Variants in MTMR9 observed in about 807,000 individuals in gnomAD.
The protein encoded by MTMR9 is myotubularin related protein 9, also known as myotubularin-related protein 9.
Under a neutral mutation model 69.5 loss-of-function variants are expected in MTMR9, and 39 were observed. The observed-to-expected ratio is 0.56, with a 90% CI of 0.43 to 0.73. MTMR9 has a LOEUF of 0.73. Ranked by LOEUF, MTMR9 falls within the 30% of genes least tolerant of loss-of-function variation. The pLI, the probability that MTMR9 is intolerant of heterozygous loss-of-function variation, is 0.00. For synonymous variants in MTMR9, 354 were observed against 240.8 expected (o/e 1.47, Z -4.35); for missense variants, 900 against 671.2 (o/e 1.34, Z -3.77).
At chr8:11,313,205 C>G (rs1800276019) in intron 6 of MTMR9, among the ~76,000 whole-genome samples, 1 of 152,204 alleles carries the variant, frequency 6.6e-6, no homozygotes, top group Non-Finnish European at 1.5e-5. Flanking sequence ...CTGCTAGTTT[C>G]CAACTTTTCT....
chr8:11,288,632 G>T (rs1799276412), intron 1 of MTMR9, among the ~76,000 whole-genome samples: 1 of 152,150 alleles, frequency 6.6e-6, no homozygotes, highest in Non-Finnish European at 1.5e-5. Flanking sequence ...TGGCTGCAGG[G>T]CAGGGAACAG....
intron 5 of MTMR9, among the ~76,000 whole-genome samples, chr8:11,307,021 C>G (rs1335695158): frequency 6.6e-6 from 1 of 152,134 alleles, no homozygotes; most frequent in African/African-American, 2.4e-5. Context: ...AGCATGATGT[C>G]ATCCAGGTTC....
chr8:11,336,691 A>G, the MTMR9 span, among the ~76,000 whole-genome samples: 1 of 152,168 alleles, frequency 6.6e-6, no homozygotes, highest in South Asian at 2.1e-4. Context: ...CAGGTCCAAT[A>G]TTTTTCTTCC....
downstream of MTMR9, chr8:11,331,398 C>G (rs765023284): frequency 3.2e-5 from 52 of 1,613,858 alleles, no homozygotes; most frequent in Non-Finnish European, 3.1e-5. Flanking sequence ...TCTGGGACCT[C>G]CTGACATCCG....
Position 11,315,051 on chromosome 8 carries a change from G to C in MTMR9, c.1100G>C (p.Arg367Thr), listed in dbSNP as rs1800358449. The C allele has an allele frequency of 1.2e-6, 2 of 1,613,688 alleles. No homozygotes were observed. Among genetic ancestry groups the C allele is most frequent in the East Asian group, 2.2e-5 (1 of 44,876 alleles). ...TIRGFEALIE[R>T]EWLQAGHPFQ... ...CGTGGTTTTGAGGCCCTGATTGAAA[G>C]AGAGTGGCTGCAGGTGAGAAGAGCT... The change falls in exon 7 of 10, where the codon AGA becomes ACA. Residue 367 changes from arginine to threonine, a missense_variant. Arg to Thr is a moderately conservative substitution (Grantham distance 71). Transcript: ENST00000221086.
chr8:11,291,582 T>C (rs1164507031), intron 1 of MTMR9, among the ~76,000 whole-genome samples: 6 of 152,104 alleles, frequency 3.9e-5, no homozygotes, highest in Admixed American at 2.0e-4. Context: ...ACTAGAAACA[T>C]TGAATAAATG....
chr8:11,314,883 G>A, intron 6 of MTMR9, 40 bp from the exon 7 acceptor site: 1 of 1,600,914 alleles, frequency 6.2e-7, no homozygotes, highest in Non-Finnish European at 8.6e-7. Context: ...GACCATGTTG[G>A]ACATTTCCCA....
chr8:11,301,581 G>C (rs1288697874), intron 3 of MTMR9, among the ~76,000 whole-genome samples: 21 of 152,314 alleles, frequency 1.4e-4, no homozygotes. Context: ...AAATCTTTAT[G>C]ACCTTCAGTT....
intron 1 of MTMR9, among the ~76,000 whole-genome samples, chr8:11,285,716 A>G (rs1799124223): frequency 6.6e-6 from 1 of 152,124 alleles, no homozygotes; most frequent in African/African-American, 2.4e-5. Context: ...TCCAGACTTT[A>G]TCTTTCCAAG....
chr8:11,301,061 G>A (rs773048492), intron 3 of MTMR9, among the ~76,000 whole-genome samples: 9 of 152,196 alleles, frequency 5.9e-5, no homozygotes, highest in Non-Finnish European at 8.8e-5. Context: ...GCAGAAACAA[G>A]TAGCAGGCTG....
chr8:11,323,437 A>G lies in MTMR9; in HGVS notation c.*649A>G, dbSNP rs1211705628. 6.6e-6 allele frequency: 1 copy of G among 152,260 alleles called. No homozygotes were observed. Among genetic ancestry groups the G allele is most frequent in the Non-Finnish European group, 1.5e-5 (1 of 68,040 alleles). The allele number at this position is 152,260 out of a possible 1,614,324, so 9.4% of individuals were successfully genotyped here. Reference sequence around the variant, plus strand: ...GGTATGGTCCTCCGATATTTACATTAAGAAGAGTTAAATTTATTTTAACGT... The same window carrying G: ...GGTATGGTCCTCCGATATTTACATTGAGAAGAGTTAAATTTATTTTAACGT... On this transcript the variant is annotated 3_prime_UTR_variant, in exon 10 of 10. Coordinates refer to ENST00000221086, the MANE Select transcript of MTMR9 (RefSeq NM_015458.4).
intron 3 of MTMR9, among the ~76,000 whole-genome samples, chr8:11,304,000 A>C (rs1799843033): frequency 6.6e-6 from 1 of 152,052 alleles, no homozygotes; most frequent in Non-Finnish European, 1.5e-5. Flanking sequence ...ATTGTAACCC[A>C]TGGTTAGGCC....
intron 1 of MTMR9, among the ~76,000 whole-genome samples, chr8:11,290,588 T>C (rs934778401): frequency 4.6e-5 from 7 of 152,200 alleles, no homozygotes; most frequent in Non-Finnish European, 7.3e-5. Context: ...TTACTGTTCA[T>C]TTTTAGGTCT....
rs190923308 is a variant in MTMR9, at chr8:11,286,516, A to G, written c.182+1446A>G. Among the ~76,000 whole-genome samples the G allele has an allele frequency of 2.9e-3, 444 of 151,846 alleles. 1 individual carries two copies. The highest frequency in any genetic ancestry group is 0.01 in the African/African-American group (421 of 41,434). On this transcript the variant is annotated intron_variant, in intron 1 of 9. Transcript: ENST00000221086. ...CCCGTCTCTACTAAAAATACAAAAA[A>G]TTAACCGGGCATAGTGGCAGGTGCC...
rs183589672 is a variant in MTMR9, at chr8:11,298,240, C to T, written c.292-1783C>T. Among the ~76,000 whole-genome samples the T allele has an allele frequency of 1.3e-3, 196 of 152,174 alleles. 1 individual carries two copies. The highest frequency in any genetic ancestry group is 4.1e-3 in the African/African-American group (172 of 41,504). ...AAGATGAAATATGAGTGCTTATTGC[C>T]TGTGAGAGTGGTTGCTGACTTGCAT... On this transcript the variant is annotated intron_variant, in intron 2 of 9. Transcript: ENST00000221086.
chr8:11,317,042 G>A, intron 8 of MTMR9, 149 bp downstream of exon 8: 1 of 502,986 alleles, frequency 2.0e-6, no homozygotes, highest in Admixed American at 3.7e-5. Flanking sequence ...TAATTTAAAT[G>A]ACCTGAAGTA....
Position 11,327,233 on chromosome 8 carries a change from A to C in MTMR9, c.*4445A>C, listed in dbSNP as rs1800974144. The C allele has an allele frequency of 6.6e-6, 1 of 152,200 alleles. No individual in the cohort carries two copies. The allele number at this position is 152,200 out of a possible 1,614,324, so 9.4% of individuals were successfully genotyped here. ...TATCTAAATCCTTTTTAAGAAACTT[A>C]ATGTTCCAGCTCTTGAACTACACTG... On this transcript the variant is annotated 3_prime_UTR_variant, in exon 10 of 10. Transcript: ENST00000221086.
intron 3 of MTMR9, among the ~76,000 whole-genome samples, chr8:11,301,267 C>T (rs961858028): frequency 1.3e-5 from 2 of 152,218 alleles, no homozygotes; most frequent in South Asian, 4.1e-4. Flanking sequence ...TGTAAAGCCA[C>T]AGTAATCAAG....
the MTMR9 span, among the ~76,000 whole-genome samples, chr8:11,333,848 A>G: frequency 1.3e-5 from 2 of 152,174 alleles, no homozygotes; most frequent in South Asian, 4.1e-4. Flanking sequence ...TCCCCTCTAA[A>G]ATGCATGTTG....
Sources: gnomAD v4.1 joint callset for allele counts (sites outside exome capture counted in the v4.1 genomes callset) on GRCh38, gnomAD v4.1.1 for gene constraint, MANE v1.5 for transcripts, NCBI Gene and HGNC (gene_info 2026-07-23, HGNC 2026-07-21) for gene names.